LRRC7: variants seen among roughly 807,000 people sequenced by gnomAD.
LRRC7 encodes leucine rich repeat containing 7, also known as leucine-rich repeat-containing protein 7.
Under a neutral mutation model 175.7 loss-of-function variants are expected in LRRC7, and 23 were observed. The ratio of observed to expected loss-of-function variants is 0.13; its 90% CI spans 0.09 to 0.19. LRRC7 has a LOEUF of 0.19. LRRC7 is among the 10% of genes least tolerant of loss of function. The probability of loss-of-function intolerance (pLI) is 1.00; values close to 1 mark genes in which losing one functional copy is unlikely to be tolerated. For missense variants in LRRC7, 1,354 were observed against 1,904.7 expected, an observed-to-expected ratio of 0.71 and a Z score of 5.38; for synonymous variants, 685 against 680.9, an observed-to-expected ratio of 1.01 and a Z score of -0.09.
intron 2 of LRRC7, among the ~76,000 whole-genome samples, chr1:69,742,365 A>G (rs1668807262): frequency 6.6e-6 from 1 of 152,042 alleles, no homozygotes; most frequent in Non-Finnish European, 1.5e-5. Context: ...TATATAACTA[A>G]GTAACATAGA....
intron 16 of LRRC7, chr1:70,021,404 C>T (rs1458947176): frequency 3.7e-6 from 1 of 268,434 alleles, no homozygotes; most frequent in African/African-American, 2.3e-5. Flanking sequence ...AAAAAAAAAT[C>T]TGTGTGATAG....
In LRRC7 at chr1:70,139,950, A is replaced by ATTAT. The variant is rs1667002245; in HGVS notation, c.*18066_*18069dup. On this transcript the variant is annotated 3_prime_UTR_variant, in exon 27 of 27. Transcript: ENST00000651989. ...GACTTGTATCACATGAAGTAAAATA[A>ATTAT]TTATTTCCTTAATGAGAAACTTAAT... The ATTAT allele has an allele frequency of 6.6e-6, 1 of 152,164 alleles. No individual in the cohort carries two copies. Among genetic ancestry groups the ATTAT allele is most frequent in the Non-Finnish European group, 1.5e-5 (1 of 68,010 alleles). 9.4% of individuals were successfully genotyped at this position (152,164 alleles called of 1,614,324 possible). A position where few individuals can be genotyped will look rare whatever the true frequency, so the allele number is the denominator to read the frequency against.
chr1:69,974,454 G>A (rs1176228143), intron 8 of LRRC7, among the ~76,000 whole-genome samples: 1 of 152,164 alleles, frequency 6.6e-6, no homozygotes, highest in Non-Finnish European at 1.5e-5. Flanking sequence ...ACCCATTTAT[G>A]AGAGTGCTCA....
chr1:70,117,887 TATTA>T (rs1665962399), intron 26 of LRRC7, among the ~76,000 whole-genome samples: 1 of 152,200 alleles, frequency 6.6e-6, no homozygotes, highest in Non-Finnish European at 1.5e-5. Context: ...TTAAATTTTT[TATTA>T]ATTTAACATT....
chr1:69,844,029 C>T (rs1557800383), intron 7 of LRRC7, among the ~76,000 whole-genome samples: 1 of 151,864 alleles, frequency 6.6e-6, no homozygotes, highest in Admixed American at 6.6e-5. Flanking sequence ...TAGGAAATAC[C>T]GAAGTATTTG....
At chr1:69,886,997 T>C (rs1046387055) in intron 7 of LRRC7, among the ~76,000 whole-genome samples, 6 of 151,884 alleles carry the variant, frequency 4.0e-5, no homozygotes, top group Non-Finnish European at 5.9e-5. Context: ...GCTGTTAGTC[T>C]GATGGGCTTC....
intron 6 of LRRC7, among the ~76,000 whole-genome samples, chr1:69,836,867 C>CTAT (rs1261298068): frequency 6.6e-6 from 1 of 150,470 alleles, no homozygotes; most frequent in Non-Finnish European, 1.5e-5. Context: ...AAATAAAAAG[C>CTAT]TTGATAGGAG....
chr1:69,876,058 C>G (rs1686016704), intron 7 of LRRC7, among the ~76,000 whole-genome samples: 1 of 152,118 alleles, frequency 6.6e-6, no homozygotes, highest in Non-Finnish European at 1.5e-5. Flanking sequence ...TTATTGGCAT[C>G]TCATGAAGAG....
chr1:69,745,969 A>G (rs1397937863), intron 2 of LRRC7, among the ~76,000 whole-genome samples: 2 of 151,912 alleles, frequency 1.3e-5, no homozygotes, highest in African/African-American at 4.8e-5. Flanking sequence ...TATGTGTCCA[A>G]AATATCTAAA....
chr1:70,012,948 T>A (rs1252482462), intron 12 of LRRC7, 26 bp from the exon 13 acceptor site: 17 of 1,250,940 alleles, frequency 1.4e-5, no homozygotes, highest in Non-Finnish European at 1.9e-5. Flanking sequence ...CTGATTTTTT[T>A]ACCTATTTTC....
chr1:69,786,127 G>A (rs895417838), intron 3 of LRRC7, among the ~76,000 whole-genome samples: 1 of 151,972 alleles, frequency 6.6e-6, no homozygotes, highest in Admixed American at 6.6e-5. Flanking sequence ...TGTTATCTAT[G>A]AGACAAAGGC....
intron 21 of LRRC7, among the ~76,000 whole-genome samples, chr1:70,042,632 A>G (rs1227774487): frequency 6.6e-6 from 1 of 152,216 alleles, no homozygotes; most frequent in Non-Finnish European, 1.5e-5. Context: ...AGGGAATTTA[A>G]AACATGAACC....
At chr1:69,887,077 A>C (rs1167015932) in intron 7 of LRRC7, among the ~76,000 whole-genome samples, 1 of 146,258 alleles carries the variant, frequency 6.8e-6, no homozygotes, top group South Asian at 2.2e-4. Context: ...AACTTTGGTG[A>C]ATCTGACAAT....
chr1:69,834,836 C>G lies in LRRC7; in HGVS notation c.557C>G (p.Ala186Gly). ...CTGACCCAGCTCTACCTGAATGACG[C>G]CTTTCTTGAATTTCTTCCAGCCAAT... is the stretch of plus-strand genomic sequence containing the variant. Reference protein sequence around the residue: ...LNLTQLYLNDAFLEFLPANFG... With the variant: ...LNLTQLYLNDGFLEFLPANFG... The change falls in exon 6 of 27, where the codon GCC (alanine) becomes GGC (glycine). Residue 186 changes from alanine (A) to glycine (G), a missense_variant. Coordinates refer to ENST00000651989, the MANE Select transcript of LRRC7 (RefSeq NM_001370785.2). The G allele has an allele frequency of 6.2e-7, 1 of 1,613,158 alleles. No individual in the cohort carries two copies. The highest frequency in any genetic ancestry group is 8.5e-7 in the Non-Finnish European group (1 of 1,179,412).
At chr1:69,663,698 T>C (rs1417836637) in intron 1 of LRRC7, among the ~76,000 whole-genome samples, 1 of 142,336 alleles carries the variant, frequency 7.0e-6, no homozygotes, top group Non-Finnish European at 1.5e-5. Flanking sequence ...TCAATCGTTT[T>C]AATTTTTTTT....
At chr1:69,997,625 T>A (rs554867770) in intron 11 of LRRC7, among the ~76,000 whole-genome samples, 244 of 150,924 alleles carry the variant, frequency 1.6e-3, no homozygotes, top group African/African-American at 5.8e-3. Context: ...TGTTGAATTT[T>A]GTCAAAGGCC....
intron 2 of LRRC7, among the ~76,000 whole-genome samples, chr1:69,735,018 C>G (rs906711954): frequency 1.3e-5 from 2 of 151,784 alleles, no homozygotes; most frequent in Admixed American, 1.3e-4. Flanking sequence ...CCTAGATTCA[C>G]CAATTGCCAA....
At chr1:69,672,231 G>A (rs1659183665) in intron 1 of LRRC7, among the ~76,000 whole-genome samples, 1 of 151,614 alleles carries the variant, frequency 6.6e-6, no homozygotes, top group African/African-American at 2.4e-5. Context: ...ATCTTCCTCT[G>A]CCCTTCTACT....
At chr1:69,672,958 T>C (rs1049962540) in intron 1 of LRRC7, among the ~76,000 whole-genome samples, 1 of 152,234 alleles carries the variant, frequency 6.6e-6, no homozygotes, top group Non-Finnish European at 1.5e-5. Context: ...TCTTTTCATT[T>C]TTGATAATTT....
Sources: allele counts gnomAD v4.1 joint callset (sites outside exome capture counted in the v4.1 genomes callset), GRCh38; gene constraint gnomAD v4.1.1; transcripts MANE v1.5; gene names NCBI Gene and HGNC (gene_info 2026-07-23, HGNC 2026-07-21).